TSPAN15: variants seen among roughly 807,000 people sequenced by gnomAD.
The protein encoded by TSPAN15 is tetraspanin-15.
A neutral mutation model predicts 34.5 loss-of-function variants in TSPAN15; 20 were observed. The observed-to-expected ratio is 0.58, with a 90% CI of 0.41 to 0.84. TSPAN15 has a LOEUF of 0.84. Ranked by LOEUF, TSPAN15 falls within the 40% of genes least tolerant of loss-of-function variation. TSPAN15 has a pLI of 0.00. For missense variants in TSPAN15, 313 were observed against 386.1 expected, an observed-to-expected ratio of 0.81 and a Z score of 1.59; for synonymous variants, 155 against 153.9, an observed-to-expected ratio of 1.01 and a Z score of -0.05.
In TSPAN15 at chr10:69,495,409, G is replaced by C. The variant is rs993539015; in HGVS notation, c.358-185G>C. On this transcript the variant is annotated intron_variant, in intron 3 of 7. Coordinates refer to ENST00000373290, the MANE Select transcript of TSPAN15 (RefSeq NM_012339.5). ...GGCATCAGATGAACACTGGAGGCACGGGGAGGATGTGTGGGTAGGGAGGTC... is the reference window on the plus strand; with the variant it reads ...GGCATCAGATGAACACTGGAGGCACCGGGAGGATGTGTGGGTAGGGAGGTC... 5.1e-6 allele frequency: 3 copies of C among 586,750 alleles called. No individual in the cohort carries two copies. The Admixed American group carries it at 8.8e-5, about 17-fold the overall frequency. 36.3% of individuals were successfully genotyped at this position (586,750 alleles called of 1,614,324 possible).
chr10:69,540,122 C>T, the TSPAN15 span, among the ~76,000 whole-genome samples: 60 of 152,160 alleles, frequency 3.9e-4, no homozygotes, highest in Admixed American at 9.1e-4. Flanking sequence ...AACTCCTGAT[C>T]TCAAGTGATC....
At chr10:69,504,979 C>G (rs1842294446) in intron 6 of TSPAN15, among the ~76,000 whole-genome samples, 1 of 152,142 alleles carries the variant, frequency 6.6e-6, no homozygotes, top group Non-Finnish European at 1.5e-5. Context: ...CAGTGGCTTT[C>G]AAAGTGGGGT....
chr10:69,509,584 T>G (rs1293364903), downstream of TSPAN15, among the ~76,000 whole-genome samples: 2 of 152,212 alleles, frequency 1.3e-5, no homozygotes, highest in Non-Finnish European at 2.9e-5. Flanking sequence ...GCTCTTTAGT[T>G]TAATCAGATC....
Position 69,451,633 on chromosome 10 carries a change from G to T in TSPAN15, c.39G>T (p.Ala13=), listed in dbSNP as rs1464734130. Reference sequence around the variant, plus strand: ...ACTCGGAGCAGGTGCGCTACTGCGCGCGCTTCTCCTACCTCTGGCTCAAGT... The same window carrying T: ...ACTCGGAGCAGGTGCGCTACTGCGCTCGCTTCTCCTACCTCTGGCTCAAGT... The part of the protein sequence containing the change: ...RGDSEQVRYC[A]RFSYLWLKFS... The change falls in exon 1 of 8, where the codon GCG becomes GCT. Residue 13 remains alanine, a synonymous_variant. Transcript: ENST00000373290. 17 of 1,539,580 alleles carry T rather than the reference G, an allele frequency of 1.1e-5. No individual in the cohort carries two copies. The East Asian group carries it at 4.3e-4, about 39-fold the overall frequency.
In TSPAN15 at chr10:69,507,362, T is replaced by G; in HGVS notation, c.*384T>G. 1 of 1,206,808 alleles carries G rather than the reference T, an allele frequency of 8.3e-7. No individual in the cohort carries two copies. 74.8% of individuals were successfully genotyped at this position (1,206,808 alleles called of 1,614,324 possible). A position where few individuals can be genotyped will look rare whatever the true frequency, so the allele number is the denominator to read the frequency against. On this transcript the variant is annotated 3_prime_UTR_variant, in exon 8 of 8. Coordinates refer to ENST00000373290, the MANE Select transcript of TSPAN15 (RefSeq NM_012339.5). ...AGCACCTGTAATTGGGGAGAGGGAG[T>G]GTGCCCCTCGGGGCAGGAGGGAAGG...
chr10:69,544,180 C>T, the TSPAN15 span, among the ~76,000 whole-genome samples: 1 of 152,186 alleles, frequency 6.6e-6, no homozygotes, highest in Non-Finnish European at 1.5e-5. Flanking sequence ...GCCCATTATA[C>T]ACTTTTTTAC....
chr10:69,467,673 C>A (rs67069429), intron 1 of TSPAN15, among the ~76,000 whole-genome samples: 7,100 of 76,344 alleles, frequency 0.093, 372 homozygotes, highest in South Asian at 0.19. Flanking sequence ...CACACACACA[C>A]ACCTCTTCTT....
the TSPAN15 span, among the ~76,000 whole-genome samples, chr10:69,517,210 CT>C: frequency 6.6e-6 from 1 of 152,322 alleles, no homozygotes; most frequent in South Asian, 2.1e-4. Context: ...GTGTCTTCTC[CT>C]CCATCTGCCA....
intron 1 of TSPAN15, among the ~76,000 whole-genome samples, chr10:69,476,165 C>T (rs1215767413): frequency 1.3e-5 from 2 of 151,884 alleles, no homozygotes; most frequent in South Asian, 2.1e-4. Context: ...ATCTAGGACA[C>T]TTCTGAAGAA....
At chr10:69,542,193 T>C in the TSPAN15 span, among the ~76,000 whole-genome samples, 1 of 152,164 alleles carries the variant, frequency 6.6e-6, no homozygotes, top group Non-Finnish European at 1.5e-5. Context: ...ACCAGTCTCT[T>C]TGCATAGCAA....
intron 1 of TSPAN15, among the ~76,000 whole-genome samples, chr10:69,474,888 T>C (rs1172307814): frequency 2.0e-5 from 3 of 152,102 alleles, no homozygotes; most frequent in African/African-American, 7.2e-5. Context: ...CCAGGGTGCA[T>C]CCGGGAGCAC....
intron 6 of TSPAN15, among the ~76,000 whole-genome samples, chr10:69,504,745 C>T (rs1176370946): frequency 6.6e-6 from 1 of 152,164 alleles, no homozygotes; most frequent in Admixed American, 6.5e-5. Flanking sequence ...ATGAAGCCAC[C>T]ACGGCGCTTC....
At chr10:69,492,749 T>G (rs1284861959) in intron 3 of TSPAN15, among the ~76,000 whole-genome samples, 1 of 152,214 alleles carries the variant, frequency 6.6e-6, no homozygotes, top group African/African-American at 2.4e-5. Flanking sequence ...ACTCTGCCAC[T>G]TCCCCTCCTT....
chr10:69,530,820 C>CTATATATATATATATA, the TSPAN15 span, among the ~76,000 whole-genome samples: 1 of 30,776 alleles, frequency 3.2e-5, no homozygotes, highest in Non-Finnish European at 6.0e-5. Context: ...CTCTCTCTCT[C>CTATATATATATATATA]TATATATATA....
intron 1 of TSPAN15, among the ~76,000 whole-genome samples, chr10:69,454,929 C>T (rs751404054): frequency 5.9e-5 from 9 of 152,076 alleles, no homozygotes; most frequent in Non-Finnish European, 1.2e-4. Context: ...CTTTGGGAGG[C>T]TGAGGCGGGC....
At chr10:69,512,858 G>A in the TSPAN15 span, among the ~76,000 whole-genome samples, 63 of 152,286 alleles carry the variant, frequency 4.1e-4, no homozygotes, top group African/African-American at 1.5e-3. Flanking sequence ...TTTGTTTCCA[G>A]TTTTTTGTTG....
At chr10:69,466,318 G>T (rs1390178348) in intron 1 of TSPAN15, among the ~76,000 whole-genome samples, 1 of 152,096 alleles carries the variant, frequency 6.6e-6, no homozygotes, top group Non-Finnish European at 1.5e-5. Flanking sequence ...TTGTGGGAGT[G>T]CCAGCCTCTC....
intron 5 of TSPAN15, among the ~76,000 whole-genome samples, chr10:69,500,085 G>A (rs187976236): frequency 6.6e-6 from 1 of 152,142 alleles, no homozygotes; most frequent in African/African-American, 2.4e-5. Context: ...CTAGATGCAG[G>A]GATAGAGTTA....
chr10:69,506,943 G>A lies in TSPAN15; in HGVS notation c.850G>A (p.Ala284Thr). ...GPGAKPSVEAAGTGCCLCYPN is the reference protein window; with the variant it reads ...GPGAKPSVEATGTGCCLCYPN ...CGGTGCCAAGCCCAGCGTGGAGGCG[G>A]CAGGCACGGGATGCTGCTTGTGCTA... Residue 284 changes from alanine to threonine, a missense_variant, in exon 8 of 8, where the codon GCA (alanine) becomes ACA (threonine). Coordinates refer to ENST00000373290, the MANE Select transcript of TSPAN15 (RefSeq NM_012339.5). This position sits in a 1 kb window ranked among gnomAD's most constrained non-coding sequence, Gnocchi z 4.7. The A allele has an allele frequency of 6.2e-7, 1 of 1,609,542 alleles. No homozygotes were observed. Among genetic ancestry groups the A allele is most frequent in the South Asian group, 1.1e-5 (1 of 89,644 alleles).
Sources: gnomAD v4.1 joint callset for allele counts (sites outside exome capture counted in the v4.1 genomes callset) on GRCh38, gnomAD v4.1.1 for gene constraint, Gnocchi (gnomAD v3.1) non-coding constraint, MANE v1.5 for transcripts, NCBI Gene and HGNC (gene_info 2026-07-23, HGNC 2026-07-21) for gene names.